ARAP2: variants seen among roughly 807,000 people sequenced by gnomAD.
ARAP2 encodes the protein ArfGAP with RhoGAP domain, ankyrin repeat and PH domain 2, also known as arf-GAP with Rho-GAP domain, ANK repeat and PH domain-containing protein 2.
In ARAP2, 148 loss-of-function variants were observed where a neutral mutation model predicts 194.5. The ratio of observed to expected loss-of-function variants is 0.76; its 90% confidence interval spans 0.67 to 0.87. ARAP2 has a LOEUF of 0.87. ARAP2 is among the 40% of genes least tolerant of loss of function. ARAP2 has a pLI of 0.00. For missense variants in ARAP2, 2,128 were observed against 1,989.7 expected (o/e 1.07, Z -1.32); for synonymous variants, 695 against 683.5 (o/e 1.02, Z -0.26).
At chr4:36,212,819 A>C (rs1747063246) in intron 4 of ARAP2, among the ~76,000 whole-genome samples, 1 of 152,016 alleles carries the variant, frequency 6.6e-6, no homozygotes, top group African/African-American at 2.4e-5. Flanking sequence ...CCAAGAAATA[A>C]AGTAGCAAAA....
In ARAP2 at chr4:36,069,817, G is replaced by T. The variant is rs367879063; in HGVS notation, c.4744-1539C>A. On this transcript the variant is annotated intron_variant, in intron 32 of 32. Coordinates refer to ENST00000303965, the MANE Select transcript of ARAP2 (RefSeq NM_015230.4). Reference sequence around the variant, plus strand: ...TGTTGGAGATGAGGCCTGATAGGAGGTGACTGAATCGTGGGGGTGGGGTTT... The same window carrying T: ...TGTTGGAGATGAGGCCTGATAGGAGTTGACTGAATCGTGGGGGTGGGGTTT... Among the ~76,000 whole-genome samples the T allele has an allele frequency of 9.2e-5, 14 of 152,248 alleles. No individual in the cohort carries two copies. The South Asian group carries it at 2.1e-3, about 23-fold the overall frequency.
intron 6 of ARAP2, among the ~76,000 whole-genome samples, chr4:36,196,788 G>C (rs1005486518): frequency 3.3e-5 from 5 of 151,760 alleles, no homozygotes; most frequent in Admixed American, 1.3e-4. Context: ...TACATACTCG[G>C]TGGACACCAC....
At chr4:36,088,039 T>A (rs1712400099) in intron 28 of ARAP2, among the ~76,000 whole-genome samples, 1 of 152,102 alleles carries the variant, frequency 6.6e-6, no homozygotes, top group Admixed American at 6.6e-5. Context: ...CTGCTTCGCA[T>A]AGAGTACCCA....
At chr4:36,007,950 C>A (rs1402954174) in intron 9 of ARAP2, among the ~76,000 whole-genome samples, 1 of 151,888 alleles carries the variant, frequency 6.6e-6, no homozygotes, top group Non-Finnish European at 1.5e-5. Context: ...ATAATTGCCA[C>A]AGAGAGAATG....
intron 6 of ARAP2, among the ~76,000 whole-genome samples, chr4:36,198,253 C>G (rs1028936455): frequency 5.3e-5 from 8 of 152,176 alleles, no homozygotes; most frequent in African/African-American, 1.9e-4. Context: ...AGCTGGTCGT[C>G]CTGATGTCTG....
chr4:36,193,695 T>TA (rs1742463343), intron 6 of ARAP2, 48 bp from the exon 7 acceptor site: 2 of 1,371,842 alleles, frequency 1.5e-6, no homozygotes. Context: ...AACATGAACT[T>TA]AGATTGTTAA....
intron 22 of ARAP2, among the ~76,000 whole-genome samples, chr4:36,121,949 G>C (rs1160792263): frequency 6.6e-6 from 1 of 151,560 alleles, no homozygotes; most frequent in Non-Finnish European, 1.5e-5. Flanking sequence ...AGAAATGAAC[G>C]AAGGAGTCAA....
chr4:36,067,536 T>G lies in ARAP2; in HGVS notation c.*371A>C, dbSNP rs138276708. The G allele has an allele frequency of 6.3e-6, 1 of 157,868 alleles. No individual in the cohort carries two copies. The highest frequency in any genetic ancestry group is 6.5e-5 in the Admixed American group (1 of 15,462). 9.8% of individuals were successfully genotyped at this position (157,868 alleles called of 1,614,324 possible). On this transcript the variant is annotated 3_prime_UTR_variant, in exon 33 of 33. Coordinates refer to ENST00000303965, the MANE Select transcript of ARAP2 (RefSeq NM_015230.4). ...CTCAAAGTGCAAAATATGTTACAGA[T>G]AGTTTCTTAGGCTTCATTTAAACAC...
chr4:36,217,231 G>T (rs1412346464), intron 2 of ARAP2, among the ~76,000 whole-genome samples: 1 of 152,208 alleles, frequency 6.6e-6, no homozygotes, highest in African/African-American at 2.4e-5. Flanking sequence ...GAATTCAGCA[G>T]CCAAGCATGG....
At chr4:36,054,806 T>G (rs1297068201) in intron 2 of ARAP2, among the ~76,000 whole-genome samples, 1 of 152,198 alleles carries the variant, frequency 6.6e-6, no homozygotes, top group African/African-American at 2.4e-5. Flanking sequence ...TGACTACTCA[T>G]ATTACACAGT....
intron 13 of ARAP2, 98 bp downstream of exon 13, chr4:36,160,361 G>T: frequency 7.8e-7 from 1 of 1,274,608 alleles, no homozygotes. Context: ...TAATAATTTT[G>T]TCAGATAGTA....
At chr4:36,050,580 A>G (rs1477716646) in intron 3 of ARAP2, among the ~76,000 whole-genome samples, 1 of 152,242 alleles carries the variant, frequency 6.6e-6, no homozygotes, top group African/African-American at 2.4e-5. Flanking sequence ...AAGTGTTTCA[A>G]GAAAGCATTG....
intron 6 of ARAP2, among the ~76,000 whole-genome samples, chr4:36,204,657 T>C (rs1159578801): frequency 6.6e-6 from 1 of 152,084 alleles, no homozygotes; most frequent in Admixed American, 6.5e-5. Context: ...ATTCATATGT[T>C]GAGGAAGAAT....
chr4:36,119,733 A>G lies in ARAP2; in HGVS notation c.3895-15T>C, dbSNP rs754049905. On this transcript the variant is annotated splice_polypyrimidine_tract_variant and intron_variant, in intron 23 of 32. Coordinates refer to ENST00000303965, the MANE Select transcript of ARAP2 (RefSeq NM_015230.4). Reference sequence around the variant, plus strand: ...TCTTCTTTAACCTGTTTAAAATATAATTCGGGACATTCTAATAATGTAGAA... The same window carrying G: ...TCTTCTTTAACCTGTTTAAAATATAGTTCGGGACATTCTAATAATGTAGAA... The G allele has an allele frequency of 1.9e-5, 30 of 1,539,764 alleles. No individual in the cohort carries two copies. The East Asian group carries it at 6.6e-4, about 34-fold the overall frequency.
At chr4:36,075,536 G>C (rs1728060086) in intron 31 of ARAP2, among the ~76,000 whole-genome samples, 1 of 152,056 alleles carries the variant, frequency 6.6e-6, no homozygotes, top group Non-Finnish European at 1.5e-5. Flanking sequence ...ACTAAATTTA[G>C]TTTCATTCAT....
intron 24 of ARAP2, among the ~76,000 whole-genome samples, chr4:36,118,204 G>A (rs990990030): frequency 2.0e-4 from 30 of 149,748 alleles, no homozygotes; most frequent in African/African-American, 7.3e-4. Context: ...ATTTCAGTAA[G>A]TAAAAGATAC....
chr4:36,101,729 T>C (rs13151457), intron 27 of ARAP2, among the ~76,000 whole-genome samples: 14,439 of 152,030 alleles, frequency 0.095, 741 homozygotes, highest in Middle Eastern at 0.16. Context: ...GTGAAAATTG[T>C]GGCTCACAAT....
intron 10 of ARAP2, among the ~76,000 whole-genome samples, chr4:36,166,030 A>C (rs192550072): frequency 6.6e-6 from 1 of 152,276 alleles, no homozygotes; most frequent in East Asian, 1.9e-4. Context: ...CACAGCCAAT[A>C]TATTAATACC....
intron 26 of ARAP2, among the ~76,000 whole-genome samples, chr4:36,109,218 T>C (rs920688489): frequency 6.6e-6 from 1 of 151,822 alleles, no homozygotes; most frequent in Non-Finnish European, 1.5e-5. Flanking sequence ...TCCTATCCAG[T>C]AAAGAGAAAT....
Sources: gnomAD v4.1 joint callset for allele counts (sites outside exome capture counted in the v4.1 genomes callset) on GRCh38, gnomAD v4.1.1 for gene constraint, MANE v1.5 for transcripts, NCBI Gene and HGNC (gene_info 2026-07-23, HGNC 2026-07-21) for gene names.